The following APOB variants were observed in gnomAD, a reference collection of about 807,000 sequenced individuals.
The protein encoded by APOB is apolipoprotein B.
Under a neutral mutation model 314.1 loss-of-function variants are expected in APOB, and 153 were observed. That is an observed-to-expected ratio of 0.49 (90% CI 0.43 to 0.56). APOB has a LOEUF of 0.56. Among genes scored for constraint, APOB ranks in the 20% least tolerant of loss-of-function variants. APOB has a pLI of 0.00. For missense variants in APOB, 5,430 were observed against 5,350.7 expected (o/e 1.01, Z -0.46); for synonymous variants, 2,087 against 2,036.4 (o/e 1.02, Z -0.67).
In APOB at chr2:21,011,871, A is replaced by G. The variant is rs1293852043; in HGVS notation, c.4997T>C (p.Val1666Ala). The part of the protein sequence containing the change: ...ATTNLKCSLL[V>A]LENELNAELG... ...CTCTGCATTCAGCTCATTCTCCAGC[A>G]CCAGGAGACTACACTTCAAGTTGGT... Residue 1666 changes from valine (V) to alanine (A), a missense_variant, in exon 26 of 29, where the codon GTG becomes GCG. Physicochemically the swap from Val to Ala is moderately conservative, Grantham distance 64. Around this residue, in one of 3 missense-constraint regions of APOB, gnomAD observed 2,085 missense variants for 2,079.7 expected, o/e 1.00. Coordinates refer to ENST00000233242, the MANE Select transcript of APOB (RefSeq NM_000384.3). 1 of 1,613,874 alleles carries G rather than the reference A, an allele frequency of 6.2e-7. No homozygotes were observed. Among genetic ancestry groups the G allele is most frequent in the Non-Finnish European group, 8.5e-7 (1 of 1,179,980 alleles).
rs114659957 is a variant in APOB, at chr2:21,035,104, G to A, written c.819-203C>T. ...TTATCCTCCCATCAAAAAGACATGC[G>A]TGCCTTATACTCTCCACTAGTCTGG... On this transcript the variant is annotated intron_variant, in intron 7 of 28. Transcript: ENST00000233242. Among the ~76,000 whole-genome samples, 806 of 152,272 alleles carry A rather than the reference G, an allele frequency of 5.3e-3. 13 individuals carry two copies. Among genetic ancestry groups the A allele is most frequent in the African/African-American group, 0.018 (767 of 41,556 alleles).
intron 6 of APOB, among the ~76,000 whole-genome samples, 171 bp downstream of exon 6, chr2:21,036,929 G>T (rs537018256): frequency 2.0e-5 from 3 of 152,158 alleles, no homozygotes; most frequent in African/African-American, 2.4e-5. Context: ...ATCCCAGGCC[G>T]TGAAGCCTGG....
intron 10 of APOB, among the ~76,000 whole-genome samples, chr2:21,030,686 T>C (rs1663854714): frequency 6.6e-6 from 1 of 152,142 alleles, no homozygotes; most frequent in South Asian, 2.1e-4. Context: ...AGAAAATATT[T>C]GCAAACTATT....
chr2:21,035,854 C>A (rs1370874636), intron 6 of APOB, 146 bp from the exon 7 acceptor site: 2 of 866,780 alleles, frequency 2.3e-6, no homozygotes, highest in Non-Finnish European at 3.7e-6. Context: ...GACATTTAGA[C>A]CAGGGGGTGC....
intron 6 of APOB, 147 bp from the exon 7 acceptor site, chr2:21,035,855 CA>C: frequency 1.2e-6 from 1 of 861,196 alleles, no homozygotes; most frequent in Middle Eastern, 3.3e-4. Context: ...ACATTTAGAC[CA>C]GGGGGTGCAA....
At chr2:21,030,993 C>A (rs1046026124) in intron 10 of APOB, among the ~76,000 whole-genome samples, 1 of 152,178 alleles carries the variant, frequency 6.6e-6, no homozygotes, top group African/African-American at 2.4e-5. Flanking sequence ...AACAGTTAAT[C>A]ACTGTTGATG....
In APOB at chr2:21,007,820, C is replaced by G; in HGVS notation, c.9048G>C (p.Glu3016Asp). The G allele has an allele frequency of 6.2e-7, 1 of 1,614,112 alleles. No homozygotes were observed. Among genetic ancestry groups the G allele is most frequent in the South Asian group, 1.1e-5 (1 of 91,086 alleles). ...GMALFGEGKAEFTGRHDAHLN... is the reference protein window; with the variant it reads ...GMALFGEGKADFTGRHDAHLN... Reference sequence around the variant, plus strand: ...AATGAGCATCATGCCTCCCAGTAAACTCTGCCTTCCCTTCTCCAAACAGTG... The same window carrying G: ...AATGAGCATCATGCCTCCCAGTAAAGTCTGCCTTCCCTTCTCCAAACAGTG... Residue 3016 changes from glutamate to aspartate, a missense_variant, in exon 26 of 29, where the codon GAG becomes GAC. Transcript: ENST00000233242.
rs749048977 is a variant in APOB at position 21,019,730 on chromosome 2, C to A, written c.2992G>T (p.Asp998Tyr). ...DSASYYPLTG[D>Y]TRLELELRPT... ...GCACTGAGCATCTCTAACCTGGTGT[C>A]CCCGGTCAGCGGATAGTAGGAGGCG... The change falls in exon 19 of 29, where the codon GAC (aspartate) becomes TAC (tyrosine). Residue 998 changes from aspartate to tyrosine, a missense_variant. By Grantham distance (160) the Asp-to-Tyr change is radical. Coordinates refer to ENST00000233242, the MANE Select transcript of APOB (RefSeq NM_000384.3). 1.2e-6 allele frequency: 2 copies of A among 1,613,880 alleles called. No individual in the cohort carries two copies. The highest frequency in any genetic ancestry group is 1.7e-5 in the Admixed American group (1 of 59,998).
At position 21,014,957 on chromosome 2, in the gene APOB, G is replaced by T. The variant is rs1663425959; in HGVS notation, c.3696+116C>A. The T allele has an allele frequency of 4.4e-6, 5 of 1,128,162 alleles. No individual in the cohort carries two copies. In the African/African-American group the frequency reaches 4.6e-5, roughly 10 times the overall value. 69.9% of individuals were successfully genotyped at this position (1,128,162 alleles called of 1,614,324 possible). On this transcript the variant is annotated intron_variant, in intron 23 of 28. Coordinates refer to ENST00000233242, the MANE Select transcript of APOB (RefSeq NM_000384.3). ...TTTTTTTCTCCCCAAGAATTCCCTG[G>T]GGGGAAGGAAGCATGCCTTATACAT...
At chr2:21,022,055 A>G (rs1663619767) in intron 18 of APOB, among the ~76,000 whole-genome samples, 1 of 152,210 alleles carries the variant, frequency 6.6e-6, no homozygotes. Context: ...TCTTGGGCTC[A>G]GTTGATCCTC....
chr2:21,041,754 G>A (rs1344857882), intron 3 of APOB, among the ~76,000 whole-genome samples: 2 of 152,028 alleles, frequency 1.3e-5, no homozygotes, highest in Admixed American at 6.6e-5. Context: ...TACCATATTG[G>A]ACAGCACATA....
At chr2:21,021,305 G>A (rs985738441) in intron 18 of APOB, among the ~76,000 whole-genome samples, 1 of 152,126 alleles carries the variant, frequency 6.6e-6, no homozygotes, top group African/African-American at 2.4e-5. Context: ...TTAGAAAGTT[G>A]TAGAATCTGC....
chr2:21,034,415 G>C (rs1484494529), intron 8 of APOB, among the ~76,000 whole-genome samples: 2 of 152,204 alleles, frequency 1.3e-5, no homozygotes, highest in Non-Finnish European at 2.9e-5. Flanking sequence ...GGTTGGACTT[G>C]AGATTGTTAG....
chr2:21,016,489 C>G lies in APOB; in HGVS notation c.3282G>C (p.Leu1094=). The G allele has an allele frequency of 6.2e-7, 1 of 1,612,132 alleles. No individual in the cohort carries two copies. The highest frequency in any genetic ancestry group is 1.3e-5 in the African/African-American group (1 of 74,980). Residue 1094 remains leucine (L), a synonymous_variant, in exon 21 of 29, where the codon CTG becomes CTC. Transcript: ENST00000233242. ...CAGTAATTTTCTTGTTCTGAATGTC[C>G]AGGGTGAGTCTGTAAGACGTTTTGC... ...TEGKTSYRLT[L]DIQNKKITEV... is the part of the protein sequence containing the mutation.
Position 21,008,883 on chromosome 2 carries a change from G to T in APOB, c.7985C>A (p.Thr2662Lys). 6.2e-7 allele frequency: 1 copy of T among 1,614,020 alleles called. No homozygotes were observed. Among genetic ancestry groups the T allele is most frequent in the Non-Finnish European group, 8.5e-7 (1 of 1,179,910 alleles). Residue 2662 changes from threonine to lysine, a missense_variant, in exon 26 of 29, where the codon ACA (threonine) becomes AAA (lysine). Thr to Lys is a moderately conservative substitution (Grantham distance 78). Around this residue, in one of 3 missense-constraint regions of APOB, gnomAD observed 3,281 missense variants for 3,171.0 expected, o/e 1.03. Transcript: ENST00000233242. Reference sequence around the variant, plus strand: ...TACTTTCATTTCTACAAAGTCAATTGTAAAGGAAGGAATGTGGAAGGTGTT... The same window carrying T: ...TACTTTCATTTCTACAAAGTCAATTTTAAAGGAAGGAATGTGGAAGGTGTT... ...ILNTFHIPSF[T>K]IDFVEMKVKI...
chr2:21,022,959 C>A lies in APOB; in HGVS notation c.2688G>T (p.Arg896Ser), dbSNP rs757375815. ...NMGIIIPDFA[R>S]SGVQMNTNFF... ...AGTTGGTGTTCATCTGGACCCCACT[C>A]CTAGCGAAGTCCGGAATGATGATGC... Residue 896 changes from arginine to serine, a missense_variant, in exon 18 of 29, where the codon AGG becomes AGT. Coordinates refer to ENST00000233242, the MANE Select transcript of APOB (RefSeq NM_000384.3). The A allele has an allele frequency of 6.2e-7, 1 of 1,614,176 alleles. No homozygotes were observed. Among genetic ancestry groups the A allele is most frequent in the South Asian group, 1.1e-5 (1 of 91,070 alleles).
chr2:21,038,453 C>T (rs1664058603), intron 4 of APOB, among the ~76,000 whole-genome samples: 1 of 152,180 alleles, frequency 6.6e-6, no homozygotes, highest in Non-Finnish European at 1.5e-5. Flanking sequence ...TCTCCTGCCT[C>T]AGCCTCCGGA....
chr2:21,002,751 A>G lies in APOB; in HGVS notation c.12671T>C (p.Val4224Ala). 3 of 1,609,952 alleles carry G rather than the reference A, an allele frequency of 1.9e-6. No individual in the cohort carries two copies. Among genetic ancestry groups the G allele is most frequent in the Non-Finnish European group, 2.5e-6 (3 of 1,177,556 alleles). Reference sequence around the variant, plus strand: ...ATATACCTGGGACAGTACCGTCCCTACCTCCCTTATGAACATAGTGCAAAG... The same window carrying G: ...ATATACCTGGGACAGTACCGTCCCTGCCTCCCTTATGAACATAGTGCAAAG... The part of the protein sequence containing the change: ...EELCTMFIRE[V>A]GTVLSQVYSK... The change falls in exon 29 of 29, where the codon GTA becomes GCA. Residue 4224 changes from valine to alanine, a missense_variant. Physicochemically the swap from Val to Ala is moderately conservative, Grantham distance 64. This residue lies in a region of APOB where 3,281 missense variants were observed against 3,171.0 expected (regional missense o/e 1.03). Coordinates refer to ENST00000233242, the MANE Select transcript of APOB (RefSeq NM_000384.3).
At chr2:21,015,022 G>A (rs1337550219) in intron 23 of APOB, 51 bp downstream of exon 23, 1 of 1,528,028 alleles carries the variant, frequency 6.5e-7, no homozygotes, top group South Asian at 1.1e-5. Context: ...AGTTGAGGAT[G>A]TAATTAGCAC....
Sources: allele counts gnomAD v4.1 joint callset (sites outside exome capture counted in the v4.1 genomes callset), GRCh38; gene constraint gnomAD v4.1.1; regional missense constraint gnomAD v4.1.1; transcripts MANE v1.5; gene names NCBI Gene and HGNC (gene_info 2026-07-23, HGNC 2026-07-21).